SRGAP3: variants seen among roughly 807,000 people sequenced by gnomAD.
The protein encoded by SRGAP3 is SLIT-ROBO Rho GTPase activating protein 3, also known as SLIT-ROBO Rho GTPase-activating protein 3.
In SRGAP3, 39 loss-of-function variants were observed where a neutral mutation model predicts 121.1. The observed-to-expected ratio is 0.32, with a 90% CI of 0.25 to 0.42. The LOEUF (loss-of-function observed/expected upper bound fraction) is 0.42. SRGAP3 is among the 10% of genes least tolerant of loss of function. The pLI is 1.00. For missense variants in SRGAP3, 1,213 were observed against 1,470.6 expected, an observed-to-expected ratio of 0.82 and a Z score of 2.86; for synonymous variants, 601 against 570.0, an observed-to-expected ratio of 1.05 and a Z score of -0.77.
At chr3:9,026,530 A>C (rs1944208867) in intron 13 of SRGAP3, among the ~76,000 whole-genome samples, 1 of 152,222 alleles carries the variant, frequency 6.6e-6, no homozygotes, top group African/African-American at 2.4e-5. Context: ...GTGCAAAAGT[A>C]ATTGCGGTTT....
intron 1 of SRGAP3, among the ~76,000 whole-genome samples, chr3:9,150,251 G>A (rs1230329299): frequency 1.3e-5 from 2 of 151,786 alleles, no homozygotes; most frequent in African/African-American, 2.4e-5. Context: ...GGTGAGGAGA[G>A]GAGGGTCAGG....
intron 2 of SRGAP3, among the ~76,000 whole-genome samples, chr3:9,117,632 T>C (rs918850031): frequency 1.3e-5 from 2 of 152,166 alleles, no homozygotes; most frequent in African/African-American, 2.4e-5. Context: ...AGCATTTTCA[T>C]CAGGTACAGC....
At chr3:9,063,433 C>T (rs1299779304) in intron 5 of SRGAP3, among the ~76,000 whole-genome samples, 1 of 151,694 alleles carries the variant, frequency 6.6e-6, no homozygotes, top group Non-Finnish European at 1.5e-5. Context: ...CTGGCCCAGA[C>T]AATCTTTTCA....
chr3:9,039,224 G>A (rs1002763749), intron 10 of SRGAP3, among the ~76,000 whole-genome samples: 2 of 152,106 alleles, frequency 1.3e-5, no homozygotes, highest in East Asian at 3.9e-4. Flanking sequence ...TCACTTTCAT[G>A]ACTCCACACT....
intron 14 of SRGAP3, among the ~76,000 whole-genome samples, chr3:9,018,005 C>G (rs1348720461): frequency 6.6e-6 from 1 of 152,210 alleles, no homozygotes; most frequent in Non-Finnish European, 1.5e-5. Context: ...TTTTCATTCT[C>G]CACTCCCACT....
At chr3:9,032,580 G>C (rs1944540884) in intron 12 of SRGAP3, 70 bp downstream of exon 12, 8 of 1,371,720 alleles carry the variant, frequency 5.8e-6, no homozygotes, top group Non-Finnish European at 7.1e-6. Context: ...CTGCTGGCAG[G>C]GAGGCGGGCG....
intron 1 of SRGAP3, among the ~76,000 whole-genome samples, chr3:9,155,072 A>G (rs73118621): frequency 0.046 from 6,891 of 150,986 alleles, 271 homozygotes; most frequent in African/African-American, 0.11. Context: ...TTGATCCTTT[A>G]GTATTTCTTT....
intron 4 of SRGAP3, among the ~76,000 whole-genome samples, chr3:9,068,637 C>T (rs1370896014): frequency 6.6e-6 from 1 of 152,238 alleles, no homozygotes; most frequent in Admixed American, 6.5e-5. Flanking sequence ...TACCCAGAAT[C>T]CTCTAGATGT....
At chr3:9,294,695 C>CGTGTGTGTGTGTGT (rs753452580) in intron 3 of SRGAP3, among the ~76,000 whole-genome samples, 6,143 of 119,736 alleles carry the variant, frequency 0.051, 327 homozygotes, top group Non-Finnish European at 0.068. Context: ...TTGAAGCTTT[C>CGTGTGTGTGTGTGT]GTGTGTGTGT....
At chr3:9,357,318 C>G (rs1292193576) in intron 1 of SRGAP3, among the ~76,000 whole-genome samples, 1 of 151,992 alleles carries the variant, frequency 6.6e-6, no homozygotes, top group Non-Finnish European at 1.5e-5. Context: ...TTTGCCTATT[C>G]TGGGTATTTC....
chr3:9,041,860 G>A (rs892967037), intron 10 of SRGAP3, among the ~76,000 whole-genome samples: 1 of 152,112 alleles, frequency 6.6e-6, no homozygotes, highest in Non-Finnish European at 1.5e-5. Flanking sequence ...CAGCACTTTC[G>A]GAGGCCGACG....
intron 3 of SRGAP3, among the ~76,000 whole-genome samples, chr3:9,274,434 G>T (rs140049182): frequency 9.5e-4 from 145 of 152,314 alleles, no homozygotes; most frequent in African/African-American, 3.4e-3. Flanking sequence ...GGGTGCAGGA[G>T]CCAGGGCGAG....
chr3:9,298,801 C>T (rs1041253018), intron 3 of SRGAP3, among the ~76,000 whole-genome samples: 20 of 151,280 alleles, frequency 1.3e-4, no homozygotes, highest in Non-Finnish European at 2.1e-4. Context: ...CCTGTAATCT[C>T]AGCATTTTGG....
intron 3 of SRGAP3, among the ~76,000 whole-genome samples, chr3:9,306,931 T>G (rs1955170203): frequency 1.3e-5 from 2 of 152,198 alleles, no homozygotes; most frequent in South Asian, 4.1e-4. Flanking sequence ...TTTTCAAATA[T>G]TTATGTGTAA....
At chr3:9,266,227 T>C (rs1954363055) in intron 3 of SRGAP3, among the ~76,000 whole-genome samples, 1 of 152,020 alleles carries the variant, frequency 6.6e-6, no homozygotes, top group African/African-American at 2.4e-5. Flanking sequence ...TGTCATGGCA[T>C]GGGGGGCAAG....
At position 8,990,701 on chromosome 3, in the gene SRGAP3, G is replaced by A. The variant is rs1232063428; in HGVS notation, c.2697C>T (p.Ile899=). ...AAACPSSPHK[I]PLTRGRIESP... is the part of the protein sequence containing the mutation. ...TCTCGATCCTCCCCCGGGTGAGGGG[G>A]ATTTTGTGGGGGCTGCTGGGGCAGG... The change falls in exon 21 of 22, where the codon ATC becomes ATT. Residue 899 remains isoleucine (I), a synonymous_variant. Coordinates refer to ENST00000383836, the MANE Select transcript of SRGAP3 (RefSeq NM_014850.4). The A allele has an allele frequency of 2.5e-6, 4 of 1,613,220 alleles. No individual in the cohort carries two copies. Among genetic ancestry groups the A allele is most frequent in the Non-Finnish European group, 3.4e-6 (4 of 1,179,824 alleles).
chr3:9,053,130 G>C lies in SRGAP3; in HGVS notation c.1220C>G (p.Ser407Trp). The C allele has an allele frequency of 6.2e-7, 1 of 1,614,164 alleles. No homozygotes were observed. The highest frequency in any genetic ancestry group is 8.5e-7 in the Non-Finnish European group (1 of 1,180,034). The change falls in exon 9 of 22, where the codon TCG (serine) becomes TGG (tryptophan). Residue 407 changes from serine to tryptophan, a missense_variant. Physicochemically the swap from Ser to Trp is radical, Grantham distance 177. Transcript: ENST00000383836. ...DVSDAFQHSR[S>W]TESVKSAASE... ...GGCAGCCGACTTGACGGACTCTGTCGATCGACTGTGTTGGAAGGCATCGGA... is the reference window on the plus strand; with the variant it reads ...GGCAGCCGACTTGACGGACTCTGTCCATCGACTGTGTTGGAAGGCATCGGA...
At chr3:9,181,033 G>A (rs1951379639) in intron 1 of SRGAP3, among the ~76,000 whole-genome samples, 1 of 152,246 alleles carries the variant, frequency 6.6e-6, no homozygotes, top group African/African-American at 2.4e-5. Context: ...TGATTTGGAA[G>A]CAGGAAACCT....
intron 14 of SRGAP3, 146 bp downstream of exon 14, chr3:9,025,115 C>A: frequency 1.2e-6 from 1 of 808,976 alleles, no homozygotes; most frequent in African/African-American, 1.7e-5. Context: ...AAAGGCACTG[C>A]ATGTGAAGTT....
Sources: gnomAD v4.1 joint callset for allele counts (sites outside exome capture counted in the v4.1 genomes callset) on GRCh38, gnomAD v4.1.1 for gene constraint, MANE v1.5 for transcripts, NCBI Gene and HGNC (gene_info 2026-07-23, HGNC 2026-07-21) for gene names.